The following SETDB2 variants were observed in gnomAD, a reference collection of about 807,000 sequenced individuals.
The protein encoded by SETDB2 is SET domain bifurcated histone lysine methyltransferase 2, also known as histone-lysine N-methyltransferase SETDB2.
Under a neutral mutation model 82.5 loss-of-function variants are expected in SETDB2, and 56 were observed. The ratio of observed to expected loss-of-function variants is 0.68; its 90% CI spans 0.55 to 0.85. SETDB2 has a LOEUF of 0.85. Among genes scored for constraint, SETDB2 ranks in the 40% least tolerant of loss-of-function variants. The pLI is 0.00. For missense variants in SETDB2, 677 were observed against 816.4 expected, an observed-to-expected ratio of 0.83 and a Z score of 2.08; for synonymous variants, 272 against 284.9, an observed-to-expected ratio of 0.95 and a Z score of 0.46.
chr13:49,461,187 T>C, intron 4 of SETDB2, 25 bp downstream of exon 4: 1 of 1,492,400 alleles, frequency 6.7e-7, no homozygotes, highest in Non-Finnish European at 9.3e-7. Context: ...ATTCCCATTG[T>C]AGAGTATTCT....
intron 10 of SETDB2, among the ~76,000 whole-genome samples, 188 bp downstream of exon 10, chr13:49,483,751 C>T (rs1958531942): frequency 6.6e-6 from 1 of 150,746 alleles, no homozygotes; most frequent in African/African-American, 2.4e-5. Flanking sequence ...CCTCAGCCTC[C>T]CGAATGGCTG....
At chr13:49,470,595 C>T (rs980201152) in intron 5 of SETDB2, among the ~76,000 whole-genome samples, 6 of 152,188 alleles carry the variant, frequency 3.9e-5, no homozygotes, top group Non-Finnish European at 7.3e-5. Flanking sequence ...CACCTGTAAT[C>T]CCAGCACTTC....
intron 12 of SETDB2, among the ~76,000 whole-genome samples, chr13:49,489,724 T>G (rs1448811373): frequency 6.7e-6 from 1 of 149,076 alleles, no homozygotes; most frequent in East Asian, 2.0e-4. Context: ...GCCTCCTGAG[T>G]AGCTGAGATT....
Position 49,491,787 on chromosome 13 carries a change from G to A in SETDB2, c.2062G>A (p.Val688Met), listed in dbSNP as rs1653514198. 1.2e-6 allele frequency: 2 copies of A among 1,613,292 alleles called. No homozygotes were observed. The change falls in exon 14 of 14, where the codon GTG (valine) becomes ATG (methionine). Residue 688 changes from valine to methionine, a missense_variant. Physicochemically the swap from Val to Met is conservative, Grantham distance 21 (BLOSUM62 1). This residue lies in a region of SETDB2 where 420 missense variants were observed against 554.6 expected (regional missense o/e 0.76). Transcript: ENST00000611815. ...TWDYGYEAGT[V>M]PEKEIFCQCG... ...GGATTATGGCTATGAAGCTGGGACTGTGCCTGAGAAGGAAATCTTCTGCCA... is the reference window on the plus strand; with the variant it reads ...GGATTATGGCTATGAAGCTGGGACTATGCCTGAGAAGGAAATCTTCTGCCA...
At chr13:49,477,103 C>A in intron 6 of SETDB2, 64 bp downstream of exon 6, 1 of 1,380,768 alleles carries the variant, frequency 7.2e-7, no homozygotes, top group Non-Finnish European at 9.7e-7. Context: ...GTTAAGAAGT[C>A]TTGCTATGTA....
At chr13:49,462,199 T>C (rs1329579420) in intron 4 of SETDB2, among the ~76,000 whole-genome samples, 2 of 152,200 alleles carry the variant, frequency 1.3e-5, no homozygotes, top group African/African-American at 4.8e-5. Flanking sequence ...AATCTGCCTC[T>C]TTCTCTTCCC....
intron 5 of SETDB2, among the ~76,000 whole-genome samples, chr13:49,470,969 T>TCTTTCTTTC (rs1555271648): frequency 9.5e-6 from 1 of 104,862 alleles, no homozygotes; most frequent in Admixed American, 1.1e-4. Flanking sequence ...TTTCTTTCTT[T>TCTTTCTTTC]TTTTTTTTTT....
At position 49,480,164 on chromosome 13, in the gene SETDB2, CTT is replaced by C. The variant is rs1432609945; in HGVS notation, c.870-54_870-53del. 3 of 1,145,752 alleles carry C rather than the reference CTT, an allele frequency of 2.6e-6. No homozygotes were observed. The African/African-American group carries it at 4.6e-5, about 18-fold the overall frequency. The allele number at this position is 1,145,752 out of a possible 1,614,324, so 71.0% of individuals were successfully genotyped here. On this transcript the variant is annotated intron_variant, in intron 6 of 13. Transcript: ENST00000611815. ...ATTTACACATTTATCAAGACAGTCT[CTT>C]GACTTGACTTGCTGCTTTTTCATTC... is the stretch of plus-strand genomic sequence containing the variant.
At chr13:49,483,091 A>C (rs540792182) in intron 9 of SETDB2, 129 bp downstream of exon 9, 1 of 645,036 alleles carries the variant, frequency 1.6e-6, no homozygotes, top group Non-Finnish European at 2.6e-6. Flanking sequence ...TGTTAAGTCT[A>C]ACACTTTGAG....
intron 1 of SETDB2, among the ~76,000 whole-genome samples, chr13:49,447,052 T>A (rs1957703993): frequency 6.6e-6 from 1 of 152,206 alleles, no homozygotes; most frequent in African/African-American, 2.4e-5. Context: ...TTCTTCATTT[T>A]TGCCTAGTGA....
At chr13:49,448,314 G>A (rs1957729915) in intron 1 of SETDB2, among the ~76,000 whole-genome samples, 1 of 152,212 alleles carries the variant, frequency 6.6e-6, no homozygotes, top group East Asian at 1.9e-4. Context: ...CTCTTCAGTA[G>A]CTAGAGATCT....
At chr13:49,455,956 T>A (rs1957873982) in intron 2 of SETDB2, among the ~76,000 whole-genome samples, 1 of 152,112 alleles carries the variant, frequency 6.6e-6, no homozygotes, top group African/African-American at 2.4e-5. Context: ...GTAAGTGAAC[T>A]ATCACTTACT....
intron 2 of SETDB2, among the ~76,000 whole-genome samples, chr13:49,453,793 A>T (rs1037030511): frequency 2.0e-5 from 3 of 152,142 alleles, no homozygotes; most frequent in Non-Finnish European, 4.4e-5. Flanking sequence ...TTAGAAACCA[A>T]GGTCTGAATG....
chr13:49,464,812 A>C (rs1007343866), intron 4 of SETDB2, among the ~76,000 whole-genome samples: 14 of 152,162 alleles, frequency 9.2e-5, no homozygotes, highest in Non-Finnish European at 1.5e-5. Flanking sequence ...CTGTAATCCA[A>C]GCACTTTAGG....
rs1238094672 is a variant in SETDB2, at chr13:49,451,627, A to G, written c.-267A>G. 3.3e-6 allele frequency: 1 copy of G among 299,842 alleles called. No individual in the cohort carries two copies. Among genetic ancestry groups the G allele is most frequent in the Non-Finnish European group, 6.2e-6 (1 of 162,128 alleles). 18.6% of individuals were successfully genotyped at this position (299,842 alleles called of 1,614,324 possible). Reference sequence around the variant, plus strand: ...AAAAAGATAATGTTAATGATCTGATACCACTACAAATATTTACGTGAGAAG... The same window carrying G: ...AAAAAGATAATGTTAATGATCTGATGCCACTACAAATATTTACGTGAGAAG... On this transcript the variant is annotated 5_prime_UTR_variant, in exon 2 of 14. It adds an upstream start codon to the 5' untranslated region. Coordinates refer to ENST00000611815, the MANE Select transcript of SETDB2 (RefSeq NM_001160308.3).
chr13:49,459,307 T>A (rs1467890364), intron 2 of SETDB2, among the ~76,000 whole-genome samples: 1 of 152,188 alleles, frequency 6.6e-6, no homozygotes, highest in African/African-American at 2.4e-5. Flanking sequence ...GTATTTTTTG[T>A]AAGCCATCTG....
intron 12 of SETDB2, among the ~76,000 whole-genome samples, chr13:49,490,583 CAT>C (rs932857128): frequency 1.3e-5 from 2 of 152,112 alleles, no homozygotes; most frequent in African/African-American, 2.4e-5. Context: ...TAAATATTGA[CAT>C]ATTTTATAGG....
intron 11 of SETDB2, among the ~76,000 whole-genome samples, chr13:49,487,500 A>C (rs1412567040): frequency 6.6e-6 from 1 of 151,916 alleles, no homozygotes; most frequent in Non-Finnish European, 1.5e-5. Context: ...CTTGTTGGCT[A>C]ATTTCTTTTT....
At chr13:49,482,175 T>C (rs1269593596) in intron 8 of SETDB2, 2 of 985,320 alleles carry the variant, frequency 2.0e-6, no homozygotes, top group Non-Finnish European at 2.4e-6. Context: ...GTAACTAAGA[T>C]ATGTCTCCGA....
Sources: gnomAD v4.1 joint callset for allele counts (sites outside exome capture counted in the v4.1 genomes callset) on GRCh38, gnomAD v4.1.1 for gene constraint, gnomAD v4.1.1 regional missense constraint, MANE v1.5 for transcripts, NCBI Gene and HGNC (gene_info 2026-07-23, HGNC 2026-07-21) for gene names.